Variants in ACVR1 observed in about 807,000 individuals in gnomAD.
ACVR1 encodes activin A receptor type 1, also known as activin receptor type-1.
Under a neutral mutation model 57.1 loss-of-function variants are expected in ACVR1, and 38 were observed. The observed-to-expected ratio is 0.67, with a 90% CI of 0.51 to 0.87. The LOEUF is 0.87. Ranked by LOEUF, ACVR1 falls within the 40% of genes least tolerant of loss-of-function variation. The pLI, the probability that ACVR1 is intolerant of heterozygous loss-of-function variation, is 0.00. For missense variants in ACVR1, 463 were observed against 638.2 expected, an observed-to-expected ratio of 0.73 and a Z score of 2.96; for synonymous variants, 212 against 228.1, an observed-to-expected ratio of 0.93 and a Z score of 0.63.
At chr2:157,850,848 G>A (rs1005975095) in intron 1 of ACVR1, among the ~76,000 whole-genome samples, 1 of 151,952 alleles carries the variant, frequency 6.6e-6, no homozygotes, top group Non-Finnish European at 1.5e-5. Flanking sequence ...TCCCAGCTAC[G>A]CAGGAGGCTG....
intron 1 of ACVR1, among the ~76,000 whole-genome samples, chr2:157,827,571 T>C (rs997897379): frequency 1.3e-5 from 2 of 152,212 alleles, no homozygotes; most frequent in African/African-American, 4.8e-5. Context: ...TTATCTCTGA[T>C]TGTGTAATAA....
intron 1 of ACVR1, among the ~76,000 whole-genome samples, chr2:157,864,451 G>A (rs1221032294): frequency 6.6e-6 from 1 of 151,660 alleles, no homozygotes; most frequent in East Asian, 2.0e-4. Flanking sequence ...TGCACTCAAG[G>A]AATCCTCTTG....
At position 157,738,175 on chromosome 2, in the gene ACVR1, TC is replaced by T. The variant is rs777049980; in HGVS notation, c.1395+264del. ...GGGCTAATAGCAGTAGTCATGAGTC[TC>T]CCGATTCCTGAAGCTGCATATTCAC... On this transcript the variant is annotated intron_variant, in intron 10 of 10. Coordinates refer to ENST00000434821, the MANE Select transcript of ACVR1 (RefSeq NM_001111067.4). 4.6e-5 allele frequency among the ~76,000 whole-genome samples: 7 copies of T among 152,314 alleles called. No homozygotes were observed. In the East Asian group the frequency reaches 9.6e-4, roughly 21 times the overall value.
chr2:157,753,320 G>T (rs1242528860), intron 9 of ACVR1, among the ~76,000 whole-genome samples: 2 of 152,194 alleles, frequency 1.3e-5, no homozygotes, highest in Non-Finnish European at 2.9e-5. Flanking sequence ...ACAAGGTCAG[G>T]AGTTTGAGAC....
chr2:157,853,441 C>T (rs12995097), intron 1 of ACVR1, among the ~76,000 whole-genome samples: 1 of 152,176 alleles, frequency 6.6e-6, no homozygotes, highest in Non-Finnish European at 1.5e-5. Context: ...ATGACCTCAC[C>T]TAAAGCTAAT....
intron 2 of ACVR1, among the ~76,000 whole-genome samples, chr2:157,799,839 A>G (rs1687258461): frequency 6.6e-6 from 1 of 152,234 alleles, no homozygotes; most frequent in South Asian, 2.1e-4. Flanking sequence ...ATCTTACCCC[A>G]TTGAATGCAA....
chr2:157,842,350 G>C (rs1005031009), intron 1 of ACVR1, among the ~76,000 whole-genome samples: 1 of 152,304 alleles, frequency 6.6e-6, no homozygotes, highest in Admixed American at 6.5e-5. Context: ...AAAGCGTTCT[G>C]AACTGCAGCA....
At chr2:157,823,010 A>G (rs1173152447) in intron 1 of ACVR1, among the ~76,000 whole-genome samples, 1 of 152,262 alleles carries the variant, frequency 6.6e-6, no homozygotes, top group Non-Finnish European at 1.5e-5. Context: ...ACAGTATGCT[A>G]TGCATATAAA....
chr2:157,766,169 C>G lies in ACVR1; in HGVS notation c.818G>C (p.Arg273Thr). The change falls in exon 8 of 11, where the codon AGA (arginine) becomes ACA (threonine). Residue 273 changes from arginine (R) to threonine (T), a missense_variant. Around this residue, in one of 3 missense-constraint regions of ACVR1, gnomAD observed 114 missense variants for 216.2 expected, o/e 0.53. Coordinates refer to ENST00000434821, the MANE Select transcript of ACVR1 (RefSeq NM_001111067.4). ...TAACCACAGCTGGGTACTGGAGTGT[C>G]TTGATGTCATGTCTGAAGCAATGAA... is the stretch of plus-strand genomic sequence containing the variant. ...LGFIASDMTS[R>T]HSSTQLWLIT... 1 of 1,613,980 alleles carries G rather than the reference C, an allele frequency of 6.2e-7. No individual in the cohort carries two copies. Among genetic ancestry groups the G allele is most frequent in the Non-Finnish European group, 8.5e-7 (1 of 1,179,970 alleles).
chr2:157,739,829 C>A (rs917785749), intron 9 of ACVR1, among the ~76,000 whole-genome samples: 1 of 152,148 alleles, frequency 6.6e-6, no homozygotes. Flanking sequence ...CTTTTTAAAA[C>A]TTCACAAATT....
chr2:157,790,229 A>G (rs1241850059), intron 3 of ACVR1: 1 of 152,290 alleles, frequency 6.6e-6, no homozygotes, highest in Non-Finnish European at 1.5e-5. Flanking sequence ...AGTTGCTGTC[A>G]GCTCAGTCAG....
At chr2:157,799,922 T>C (rs947896014) in intron 2 of ACVR1, among the ~76,000 whole-genome samples, 1 of 152,218 alleles carries the variant, frequency 6.6e-6, no homozygotes, top group African/African-American at 2.4e-5. Context: ...ATTAAACGAC[T>C]GAATAATTCA....
intron 1 of ACVR1, among the ~76,000 whole-genome samples, chr2:157,848,764 A>G (rs1427571300): frequency 1.3e-5 from 2 of 152,214 alleles, no homozygotes; most frequent in African/African-American, 4.8e-5. Flanking sequence ...AAGCAGTTTA[A>G]TATTTCTTGT....
chr2:157,870,129 TC>T (rs1179735221), intron 1 of ACVR1, among the ~76,000 whole-genome samples: 2 of 152,232 alleles, frequency 1.3e-5, no homozygotes, highest in Non-Finnish European at 2.9e-5. Flanking sequence ...GAATGCTTTT[TC>T]TCAAGTTCTT....
intron 2 of ACVR1, among the ~76,000 whole-genome samples, chr2:157,806,550 G>A (rs1443967981): frequency 6.6e-6 from 1 of 152,134 alleles, no homozygotes; most frequent in Non-Finnish European, 1.5e-5. Context: ...CCACGAAGAG[G>A]GGCCAAAATC....
At chr2:157,804,314 A>G (rs1260496731) in intron 2 of ACVR1, among the ~76,000 whole-genome samples, 2 of 152,196 alleles carry the variant, frequency 1.3e-5, no homozygotes, top group Non-Finnish European at 2.9e-5. Flanking sequence ...AATTTCATTA[A>G]CCTCTCTAAC....
chr2:157,834,511 G>A (rs1688706688), intron 1 of ACVR1, among the ~76,000 whole-genome samples: 1 of 152,092 alleles, frequency 6.6e-6, no homozygotes, highest in African/African-American at 2.4e-5. Context: ...AGATGCGTAG[G>A]TCCCAACTGT....
intron 1 of ACVR1, among the ~76,000 whole-genome samples, chr2:157,844,123 T>C (rs905483538): frequency 3.3e-5 from 5 of 152,196 alleles, no homozygotes; most frequent in African/African-American, 7.2e-5. Context: ...CATCTCCTTA[T>C]GGAAAGCAAG....
chr2:157,819,057 G>A lies in ACVR1; in HGVS notation c.-182-498C>T, dbSNP rs1219839943. ...CCCGCCACTGCACTCCAGCCTGGGT[G>A]ACAGAGCGAGACTCCGTCTCAAAAA... On this transcript the variant is annotated intron_variant, in intron 1 of 10. Coordinates refer to ENST00000434821, the MANE Select transcript of ACVR1 (RefSeq NM_001111067.4). Among the ~76,000 whole-genome samples the A allele has an allele frequency of 3.4e-5, 4 of 116,740 alleles. No individual in the cohort carries two copies. The East Asian group carries it at 7.4e-4, about 22-fold the overall frequency. 76.6% of individuals were successfully genotyped at this position (116,740 alleles called of 152,430 possible).
Sources: allele counts gnomAD v4.1 joint callset (sites outside exome capture counted in the v4.1 genomes callset), GRCh38; gene constraint gnomAD v4.1.1; regional missense constraint gnomAD v4.1.1; transcripts MANE v1.5; gene names NCBI Gene and HGNC (gene_info 2026-07-23, HGNC 2026-07-21).